The following CXCL13 variants were observed in gnomAD, a reference collection of about 807,000 sequenced individuals.
CXCL13 encodes C-X-C motif chemokine ligand 13, also known as C-X-C motif chemokine 13.
CXCL13 carries 7 observed loss-of-function variants against 12.2 expected under a neutral mutation model. That is an observed-to-expected ratio of 0.57 (90% CI 0.33 to 1.07). CXCL13 has a LOEUF of 1.07. Ranked by LOEUF, CXCL13 falls within the 50% of genes least tolerant of loss-of-function variation. The probability of loss-of-function intolerance (pLI) is 0.04; values close to 1 mark genes in which losing one functional copy is unlikely to be tolerated. For missense variants in CXCL13, 113 were observed against 127.4 expected (o/e 0.89, Z 0.55); for synonymous variants, 47 against 42.4 (o/e 1.11, Z -0.42).
At chr4:77,561,768 C>G (rs531797590) in intron 1 of CXCL13, among the ~76,000 whole-genome samples, 2 of 152,340 alleles carry the variant, frequency 1.3e-5, no homozygotes, top group Non-Finnish European at 2.9e-5. Context: ...CCTCCTTGGC[C>G]TCGGTGCACA....
chr4:77,521,451 G>T (rs1724595463), intron 1 of CXCL13, among the ~76,000 whole-genome samples: 1 of 152,158 alleles, frequency 6.6e-6, no homozygotes, highest in Admixed American at 6.5e-5. Flanking sequence ...TTGGGAGGGT[G>T]TATGTGTCCA....
Position 77,609,261 on chromosome 4 carries a change from T to TG in CXCL13, c.198-1349dup, listed in dbSNP as rs1391963235. On this transcript the variant is annotated intron_variant, in intron 2 of 3. Transcript: ENST00000682537. ...TCCTTGCTGTTTGTCTTTATTGTTTTGGGGTTTTTGTGGTTTGTTTCTGTT... is the reference window on the plus strand; with the variant it reads ...TCCTTGCTGTTTGTCTTTATTGTTTTGGGGGTTTTTGTGGTTTGTTTCTGTT... 2.6e-5 allele frequency among the ~76,000 whole-genome samples: 4 copies of TG among 151,418 alleles called. No individual in the cohort carries two copies. The East Asian group carries it at 7.7e-4, about 29-fold the overall frequency.
At chr4:77,546,374 GT>G (rs1725363699) in intron 1 of CXCL13, among the ~76,000 whole-genome samples, 1 of 152,118 alleles carries the variant, frequency 6.6e-6, no homozygotes, top group Non-Finnish European at 1.5e-5. Flanking sequence ...AATCTGCCTG[GT>G]CCTGGACTTT....
chr4:77,541,143 T>G (rs751526386), intron 1 of CXCL13, among the ~76,000 whole-genome samples: 2 of 152,196 alleles, frequency 1.3e-5, no homozygotes, highest in Non-Finnish European at 2.9e-5. Flanking sequence ...CCTTATAGAT[T>G]CTGTATATTA....
At chr4:77,577,098 C>T (rs1013148244) in intron 1 of CXCL13, among the ~76,000 whole-genome samples, 1 of 152,076 alleles carries the variant, frequency 6.6e-6, no homozygotes, top group South Asian at 2.1e-4. Context: ...TAATTCTGAG[C>T]AATTATCCTG....
chr4:77,563,287 C>T (rs776652837), intron 1 of CXCL13, among the ~76,000 whole-genome samples: 16 of 152,086 alleles, frequency 1.1e-4, no homozygotes, highest in African/African-American at 2.2e-4. Flanking sequence ...AAGCAAAGAC[C>T]GATGAGAGTT....
At chr4:77,575,559 T>C (rs1726178880) in intron 1 of CXCL13, among the ~76,000 whole-genome samples, 1 of 151,884 alleles carries the variant, frequency 6.6e-6, no homozygotes, top group African/African-American at 2.4e-5. Flanking sequence ...TGGTTTTCTG[T>C]CCATGTGATA....
rs575034769 is a variant in CXCL13, at chr4:77,570,985, C to G, written c.-42-34839C>G. Among the ~76,000 whole-genome samples, 4 of 152,004 alleles carry G rather than the reference C, an allele frequency of 2.6e-5. 1 individual carries two copies. The highest frequency in any genetic ancestry group is 2.6e-4 in the Admixed American group (4 of 15,286). On this transcript the variant is annotated intron_variant, in intron 1 of 4. Transcript: ENST00000286758. ...TCCTGTGCAGCCCGAGACTCCCTGA[C>G]GAATGCCGCTCCCTGCTCCACGGTG...
At chr4:77,531,211 T>G (rs1344765550) in intron 1 of CXCL13, among the ~76,000 whole-genome samples, 3 of 151,162 alleles carry the variant, frequency 2.0e-5, no homozygotes, top group Non-Finnish European at 2.9e-5. Context: ...GCCAAGTTGG[T>G]GTGCTGCACC....
chr4:77,589,557 A>C (rs986845227), intron 1 of CXCL13, among the ~76,000 whole-genome samples: 3 of 139,826 alleles, frequency 2.1e-5, no homozygotes, highest in Non-Finnish European at 4.7e-5. Flanking sequence ...TATGTATCAG[A>C]AAAAAAAAAC....
At chr4:77,610,808 T>C in intron 3 of CXCL13, 114 bp downstream of exon 3, 1 of 961,126 alleles carries the variant, frequency 1.0e-6, no homozygotes, top group Non-Finnish European at 1.7e-6. Flanking sequence ...CTAAGACAAA[T>C]GTGTGTTTTT....
Position 77,571,426 on chromosome 4 carries a change from C to T in CXCL13, c.-42-34398C>T, listed in dbSNP as rs539821752. On this transcript the variant is annotated intron_variant, in intron 1 of 4. Transcript: ENST00000286758. ...GCTCAGGGATTGTAAATACACCAAT[C>T]GGCACTCTGTATCTAGCTCAAGGTT... 2.3e-3 allele frequency among the ~76,000 whole-genome samples: 337 copies of T among 144,272 alleles called. 7 individuals are homozygous for T. The highest frequency in any genetic ancestry group is 8.4e-3 in the African/African-American group (320 of 37,944). 94.6% of individuals were successfully genotyped at this position (144,272 alleles called of 152,430 possible).
intron 1 of CXCL13, among the ~76,000 whole-genome samples, chr4:77,581,694 C>G (rs1379742108): frequency 6.6e-6 from 1 of 152,154 alleles, no homozygotes; most frequent in African/African-American, 2.4e-5. Flanking sequence ...TATCTGAGGA[C>G]AAAAACCTCC....
intron 1 of CXCL13, among the ~76,000 whole-genome samples, chr4:77,578,469 G>A (rs896296926): frequency 1.3e-5 from 2 of 152,178 alleles, no homozygotes; most frequent in Non-Finnish European, 2.9e-5. Flanking sequence ...GATAGATGCA[G>A]GAGGCAGATA....
intron 1 of CXCL13, among the ~76,000 whole-genome samples, chr4:77,570,267 G>A (rs745318747): frequency 6.6e-6 from 1 of 152,152 alleles, no homozygotes; most frequent in Non-Finnish European, 1.5e-5. Flanking sequence ...ATTGACAAGT[G>A]GGATCTAACT....
At chr4:77,550,159 T>C (rs991663683) in intron 1 of CXCL13, among the ~76,000 whole-genome samples, 1 of 152,168 alleles carries the variant, frequency 6.6e-6, no homozygotes, top group Non-Finnish European at 1.5e-5. Flanking sequence ...AGGCACAGGG[T>C]ATAATCTCCT....
At chr4:77,602,455 C>G (rs776940941), upstream of CXCL13, among the ~76,000 whole-genome samples, 10 of 152,108 alleles carry the variant, frequency 6.6e-5, no homozygotes, top group Non-Finnish European at 1.0e-4. Flanking sequence ...TATGTTAGAC[C>G]AGGCCCATGC....
In CXCL13 at chr4:77,549,170, A is replaced by G. The variant is rs186005409; in HGVS notation, c.-43+37382A>G. ...GCATGTGTCACGTAGTTCTCGTGCC[A>G]CGGTTTTCAGCTCCGTCAGGTCATT... On this transcript the variant is annotated intron_variant, in intron 1 of 4. Transcript: ENST00000286758. Among the ~76,000 whole-genome samples, 15 of 152,296 alleles carry G rather than the reference A, an allele frequency of 9.8e-5. No homozygotes were observed. In the East Asian group the frequency reaches 2.5e-3, roughly 25 times the overall value.
intron 1 of CXCL13, among the ~76,000 whole-genome samples, chr4:77,560,352 G>A (rs1314115115): frequency 2.6e-5 from 4 of 152,150 alleles, no homozygotes; most frequent in African/African-American, 9.7e-5. Flanking sequence ...ACTGCAATTG[G>A]CCACCTGCTT....
Sources: gnomAD v4.1 joint callset for allele counts (sites outside exome capture counted in the v4.1 genomes callset) on GRCh38, gnomAD v4.1.1 for gene constraint, MANE v1.5 for transcripts, NCBI Gene and HGNC (gene_info 2026-07-23, HGNC 2026-07-21) for gene names.